SUGCT: variants seen among roughly 807,000 people sequenced by gnomAD.
SUGCT encodes succinyl-CoA:glutarate CoA-transferase.
Under a neutral mutation model 55.0 loss-of-function variants are expected in SUGCT, and 41 were observed. The ratio of observed to expected loss-of-function variants is 0.74; its 90% confidence interval spans 0.58 to 0.97. The LOEUF is 0.97. Among genes scored for constraint, SUGCT ranks in the 50% least tolerant of loss-of-function variants. The pLI, the probability that SUGCT is intolerant of heterozygous loss-of-function variation, is 0.00. For missense variants in SUGCT, 568 were observed against 547.8 expected (o/e 1.04, Z -0.37); for synonymous variants, 187 against 200.4 (o/e 0.93, Z 0.56).
intron 12 of SUGCT, among the ~76,000 whole-genome samples, chr7:40,587,287 T>C (rs1355013065): frequency 1.3e-5 from 2 of 152,214 alleles, no homozygotes; most frequent in Non-Finnish European, 2.9e-5. Flanking sequence ...AATTTTACTG[T>C]ATATAAATTG....
intron 13 of SUGCT, among the ~76,000 whole-genome samples, chr7:40,783,344 A>G (rs1033562042): frequency 1.3e-5 from 2 of 152,192 alleles, no homozygotes; most frequent in Non-Finnish European, 2.9e-5. Flanking sequence ...CCACAGGCAA[A>G]TTAGCTTTGA....
At chr7:40,288,646 A>G (rs1232155301) in intron 8 of SUGCT, among the ~76,000 whole-genome samples, 1 of 152,076 alleles carries the variant, frequency 6.6e-6, no homozygotes, top group Non-Finnish European at 1.5e-5. Context: ...ACCGACACCT[A>G]TAATTTAAAA....
chr7:40,518,519 G>A (rs897841474), intron 12 of SUGCT, among the ~76,000 whole-genome samples: 6 of 152,040 alleles, frequency 3.9e-5, no homozygotes, highest in African/African-American at 7.2e-5. Flanking sequence ...TTTTTAAAAT[G>A]CAAACAGATA....
At chr7:40,543,409 T>C (rs571944731) in intron 12 of SUGCT, among the ~76,000 whole-genome samples, 7 of 152,300 alleles carry the variant, frequency 4.6e-5, no homozygotes, top group African/African-American at 1.7e-4. Flanking sequence ...GATAAAATAA[T>C]TTAAAAAATG....
intron 12 of SUGCT, among the ~76,000 whole-genome samples, chr7:40,720,534 T>C (rs1056263091): frequency 1.3e-5 from 2 of 152,162 alleles, no homozygotes; most frequent in African/African-American, 4.8e-5. Flanking sequence ...TGTTCACTCC[T>C]CTCTACTATT....
chr7:40,551,775 C>T (rs1380956165), intron 12 of SUGCT, among the ~76,000 whole-genome samples: 1 of 152,128 alleles, frequency 6.6e-6, no homozygotes, highest in African/African-American at 2.4e-5. Context: ...ATCTTGAAGA[C>T]ACAGATAAGA....
At chr7:40,317,097 A>G (rs1257333508) in intron 9 of SUGCT, among the ~76,000 whole-genome samples, 4 of 151,456 alleles carry the variant, frequency 2.6e-5, no homozygotes, top group Admixed American at 2.0e-4. Flanking sequence ...AACTTGCTGA[A>G]AGTAAGTGCC....
rs186131114 is a variant in SUGCT at position 40,278,642 on chromosome 7, C to T, written c.720+3986C>T. Among the ~76,000 whole-genome samples, 361 of 152,158 alleles carry T rather than the reference C, an allele frequency of 2.4e-3. 1 individual carries two copies. The highest frequency in any genetic ancestry group is 7.8e-3 in the African/African-American group (324 of 41,502). On this transcript the variant is annotated intron_variant, in intron 8 of 13. Transcript: ENST00000335693. Reference sequence around the variant, plus strand: ...GCTTTATTCCTTGTCTCTGTCCTCCCTTTCTTCTCATGTGCCCTTCTCTAG... The same window carrying T: ...GCTTTATTCCTTGTCTCTGTCCTCCTTTTCTTCTCATGTGCCCTTCTCTAG...
At chr7:40,239,452 G>A (rs1243868136) in intron 7 of SUGCT, among the ~76,000 whole-genome samples, 1 of 152,100 alleles carries the variant, frequency 6.6e-6, no homozygotes, top group Admixed American at 6.6e-5. Flanking sequence ...TTCTCTCATT[G>A]CTCAATTCCA....
rs1239386329 is a variant in SUGCT at position 40,219,118 on chromosome 7, G to C, written c.485-18517G>C. Among the ~76,000 whole-genome samples the C allele has an allele frequency of 2.6e-5, 4 of 152,016 alleles. No homozygotes were observed. The South Asian group carries it at 6.3e-4, about 24-fold the overall frequency. On this transcript the variant is annotated intron_variant, in intron 6 of 13. Coordinates refer to ENST00000335693, the MANE Select transcript of SUGCT (RefSeq NM_001193313.2). The stretch of plus-strand genomic sequence containing the variant: ...CCACCTGGAGGAACGAACAACTCTG[G>C]ACGCGCCACCTTTATGAGCTATAAC...
downstream of SUGCT, among the ~76,000 whole-genome samples, chr7:40,864,371 C>T (rs1794544085): frequency 6.6e-6 from 1 of 152,246 alleles, no homozygotes; most frequent in Non-Finnish European, 1.5e-5. Flanking sequence ...AGGCTGGTCT[C>T]GAACTCCTGA....
intron 12 of SUGCT, among the ~76,000 whole-genome samples, chr7:40,634,551 G>A (rs1448109196): frequency 6.6e-6 from 1 of 152,174 alleles, no homozygotes; most frequent in Non-Finnish European, 1.5e-5. Flanking sequence ...CAGGGCTGAG[G>A]CAATTGTCAA....
chr7:40,715,063 T>C (rs985668559), intron 12 of SUGCT, among the ~76,000 whole-genome samples: 3 of 151,872 alleles, frequency 2.0e-5, no homozygotes, highest in Non-Finnish European at 4.4e-5. Flanking sequence ...TAAGGTTGTG[T>C]ATGGAAAAAA....
chr7:40,247,599 A>G (rs1444086972), intron 7 of SUGCT, among the ~76,000 whole-genome samples: 1 of 152,100 alleles, frequency 6.6e-6, no homozygotes. Context: ...ATGTAGTAGC[A>G]GCTGATTGTG....
intron 12 of SUGCT, among the ~76,000 whole-genome samples, chr7:40,600,784 A>G (rs1168146340): frequency 1.3e-5 from 2 of 151,032 alleles, no homozygotes; most frequent in East Asian, 3.9e-4. Flanking sequence ...CATTCATTTC[A>G]TATAAAGGGA....
At chr7:40,980,415 C>T in the SUGCT span, among the ~76,000 whole-genome samples, 2 of 152,114 alleles carry the variant, frequency 1.3e-5, no homozygotes, top group Non-Finnish European at 2.9e-5. Context: ...TTAATTCCTC[C>T]CCAATAGCCG....
chr7:40,225,435 ATTT>A (rs34672683), intron 6 of SUGCT, among the ~76,000 whole-genome samples: 6 of 138,336 alleles, frequency 4.3e-5, no homozygotes, highest in African/African-American at 1.1e-4. Context: ...ATAATATATG[ATTT>A]TTTTTTTTTT....
At chr7:40,435,575 C>T (rs1303078258) in intron 9 of SUGCT, among the ~76,000 whole-genome samples, 1 of 152,156 alleles carries the variant, frequency 6.6e-6, no homozygotes, top group Non-Finnish European at 1.5e-5. Context: ...GCATCTTGAA[C>T]TAGCATTTAA....
At chr7:40,318,778 G>A (rs1459837255) in intron 9 of SUGCT, among the ~76,000 whole-genome samples, 1 of 152,206 alleles carries the variant, frequency 6.6e-6, no homozygotes, top group East Asian at 1.9e-4. Context: ...GCATTCCTGA[G>A]TTGGAAGATT....
Sources: gnomAD v4.1 joint callset for allele counts (sites outside exome capture counted in the v4.1 genomes callset) on GRCh38, gnomAD v4.1.1 for gene constraint, MANE v1.5 for transcripts, NCBI Gene and HGNC (gene_info 2026-07-23, HGNC 2026-07-21) for gene names.